TNFRSF13B: variants seen among roughly 807,000 people sequenced by gnomAD.
The protein encoded by TNFRSF13B is TNF receptor superfamily member 13B, also known as tumor necrosis factor receptor superfamily member 13B.
Under a neutral mutation model 24.0 loss-of-function variants are expected in TNFRSF13B, and 34 were observed. The ratio of observed to expected loss-of-function variants is 1.41; its 90% CI spans 1.08 to 1.88. TNFRSF13B has a LOEUF of 1.88. TNFRSF13B is among the 40% of genes most tolerant of loss of function. The pLI, the probability that TNFRSF13B is intolerant of heterozygous loss-of-function variation, is 0.00. For missense variants in TNFRSF13B, 415 were observed against 380.8 expected, an observed-to-expected ratio of 1.09 and a Z score of -0.75; for synonymous variants, 173 against 150.3, an observed-to-expected ratio of 1.15 and a Z score of -1.10.
chr17:16,951,716 C>A (rs955592706), intron 2 of TNFRSF13B, among the ~76,000 whole-genome samples: 6 of 151,970 alleles, frequency 3.9e-5, no homozygotes, highest in Non-Finnish European at 8.8e-5. Context: ...TGGAGAAACC[C>A]CATCTCTACT....
In TNFRSF13B at chr17:16,941,021, C is replaced by T. The variant is rs2087506448; in HGVS notation, c.446-510G>A. On this transcript the variant is annotated intron_variant, in intron 3 of 4. Coordinates refer to ENST00000261652, the MANE Select transcript of TNFRSF13B (RefSeq NM_012452.3). ...AAGACGGCCTGGCATTTGCATATAA[C>T]CTATGCACATCCTCCTATACAATTA... 4 of 745,554 alleles carry T rather than the reference C, an allele frequency of 5.4e-6. No homozygotes were observed. In the African/African-American group the frequency reaches 5.5e-5, roughly 10 times the overall value. The allele number at this position is 745,554 out of a possible 1,614,324, so 46.2% of individuals were successfully genotyped here.
intron 2 of TNFRSF13B, among the ~76,000 whole-genome samples, chr17:16,952,088 C>T (rs913086793): frequency 6.6e-6 from 1 of 152,096 alleles, no homozygotes; most frequent in Non-Finnish European, 1.5e-5. Flanking sequence ...TGTAACAACA[C>T]ACAGTGACAA....
In TNFRSF13B at chr17:16,972,051, G is replaced by A. The variant is rs1383649750; in HGVS notation, c.25C>T (p.Arg9Ter). The A allele has an allele frequency of 3.1e-6, 5 of 1,613,948 alleles. No homozygotes were observed. Among genetic ancestry groups the A allele is most frequent in the Middle Eastern group, 1.6e-4 (1 of 6,062 alleles). MSGLGRSR[R>*]GGRSRVDQEE... ...TGGTCCACACGGCTCCGGCCACCTCGCCTGCTCCGGCCCAGGCCACTCATT... is the reference window on the plus strand; with the variant it reads ...TGGTCCACACGGCTCCGGCCACCTCACCTGCTCCGGCCCAGGCCACTCATT... Residue 9 changes from arginine (R) to a stop codon, truncating the protein, a stop_gained, in exon 1 of 5, where the codon CGA becomes TGA. Coordinates refer to ENST00000261652, the MANE Select transcript of TNFRSF13B (RefSeq NM_012452.3). LOFTEE classifies it high-confidence loss of function.
intron 3 of TNFRSF13B, among the ~76,000 whole-genome samples, chr17:16,944,924 C>T (rs781197925): frequency 2.6e-5 from 4 of 152,154 alleles, no homozygotes; most frequent in Non-Finnish European, 5.9e-5. Context: ...GTCCTCTGCT[C>T]TCTGCCCTTG....
At chr17:16,967,973 T>TA (rs147685119) in intron 1 of TNFRSF13B, among the ~76,000 whole-genome samples, 8,887 of 145,620 alleles carry the variant, frequency 0.061, 828 homozygotes, top group African/African-American at 0.21. Context: ...GCATCTCTAC[T>TA]AAAAAAAAAT....
intron 1 of TNFRSF13B, among the ~76,000 whole-genome samples, chr17:16,955,764 G>A (rs542778824): frequency 1.4e-4 from 22 of 152,346 alleles, no homozygotes; most frequent in Admixed American, 1.0e-3. Context: ...AAATGACTAC[G>A]GAGCTGCCAG....
At position 16,939,480 on chromosome 17, in the gene TNFRSF13B, C is replaced by A; in HGVS notation, c.*67G>T. Reference sequence around the variant, plus strand: ...CTCCTCATATCTCTCTCCCCTCTCCCCACCTCTCTTTCTCTCTCCCCTCCT... The same window carrying A: ...CTCCTCATATCTCTCTCCCCTCTCCACACCTCTCTTTCTCTCTCCCCTCCT... On this transcript the variant is annotated 3_prime_UTR_variant, in exon 5 of 5. Transcript: ENST00000261652. The A allele has an allele frequency of 6.5e-7, 1 of 1,532,962 alleles. No individual in the cohort carries two copies. The highest frequency in any genetic ancestry group is 2.4e-5 in the East Asian group (1 of 41,962). The allele number at this position is 1,532,962 out of a possible 1,614,324, so 95.0% of individuals were successfully genotyped here.
intron 3 of TNFRSF13B, among the ~76,000 whole-genome samples, chr17:16,946,104 G>A (rs1053477461): frequency 2.0e-5 from 3 of 152,248 alleles, no homozygotes; most frequent in African/African-American, 7.2e-5. Context: ...CGCATTTGGG[G>A]ATGGCTTGTT....
chr17:16,941,242 A>G (rs775589337), intron 3 of TNFRSF13B: 303 of 987,876 alleles, frequency 3.1e-4, no homozygotes, highest in Non-Finnish European at 3.6e-4. Context: ...CGCACGACAC[A>G]GAGGGCCCAC....
intron 2 of TNFRSF13B, among the ~76,000 whole-genome samples, chr17:16,949,225 C>T (rs1166957347): frequency 6.6e-6 from 1 of 152,158 alleles, no homozygotes; most frequent in African/African-American, 2.4e-5. Flanking sequence ...TCAAAATGCA[C>T]TTATTTTTCA....
intron 1 of TNFRSF13B, among the ~76,000 whole-genome samples, chr17:16,963,565 T>C (rs1355786379): frequency 1.3e-5 from 2 of 149,190 alleles, no homozygotes; most frequent in Non-Finnish European, 3.0e-5. Context: ...TTTTGGTTTT[T>C]TCGAGACGGA....
chr17:16,939,644 T>C lies in TNFRSF13B; in HGVS notation c.785A>G (p.His262Arg), dbSNP rs753296393. 1 of 1,612,792 alleles carries C rather than the reference T, an allele frequency of 6.2e-7. No homozygotes were observed. The highest frequency in any genetic ancestry group is 1.1e-5 in the South Asian group (1 of 90,918). Residue 262 changes from histidine to arginine, a missense_variant, in exon 5 of 5, where the codon CAC (histidine) becomes CGC (arginine). Physicochemically the swap from His to Arg is conservative, Grantham distance 29. Transcript: ENST00000261652. ...DPTCAGRWGC[H>R]TRTTVLQPCP... ...AGGCTGCAGGACTGTGGTCCTGGTG[T>C]GGCACCCCCACCTTCCAGCACAAGT...
chr17:16,969,888 G>A (rs930999434), intron 1 of TNFRSF13B, among the ~76,000 whole-genome samples: 9 of 152,136 alleles, frequency 5.9e-5, no homozygotes, highest in Non-Finnish European at 8.8e-5. Context: ...CTTTTGGGTT[G>A]GGGAGCAAAG....
chr17:16,948,924 T>C lies in TNFRSF13B; in HGVS notation c.259A>G (p.Ile87Val). 2 of 1,614,242 alleles carry C rather than the reference T, an allele frequency of 1.2e-6. No individual in the cohort carries two copies. The highest frequency in any genetic ancestry group is 1.3e-5 in the African/African-American group (1 of 75,068). Residue 87 changes from isoleucine to valine, a missense_variant, in exon 3 of 5, where the codon ATC becomes GTC. Coordinates refer to ENST00000261652, the MANE Select transcript of TNFRSF13B (RefSeq NM_012452.3). ...TGTCCACAGATGGAGGCACAGCTGATGCAGTCCCTCAGGAGATGGTCATAG... is the reference window on the plus strand; with the variant it reads ...TGTCCACAGATGGAGGCACAGCTGACGCAGTCCCTCAGGAGATGGTCATAG... ...KFYDHLLRDC[I>V]SCASICGQHP...
intron 1 of TNFRSF13B, among the ~76,000 whole-genome samples, chr17:16,968,914 A>G (rs1013286985): frequency 2.0e-5 from 3 of 152,228 alleles, no homozygotes; most frequent in Non-Finnish European, 4.4e-5. Flanking sequence ...CCCCAAAAAA[A>G]CCATATAAAT....
intron 2 of TNFRSF13B, among the ~76,000 whole-genome samples, chr17:16,949,549 GC>G (rs2042063087): frequency 6.6e-6 from 1 of 152,112 alleles, no homozygotes; most frequent in Non-Finnish European, 1.5e-5. Context: ...AAGTATCAGT[GC>G]CAAGGCACAG....
chr17:16,967,751 C>CA (rs975103327), intron 1 of TNFRSF13B, among the ~76,000 whole-genome samples: 3,647 of 24,174 alleles, frequency 0.15, 685 homozygotes, highest in East Asian at 0.25. Context: ...GACTCCGTCT[C>CA]AAAAAAAAAA....
intron 1 of TNFRSF13B, among the ~76,000 whole-genome samples, chr17:16,968,850 T>C (rs1164751052): frequency 6.6e-6 from 1 of 152,182 alleles, no homozygotes; most frequent in Admixed American, 6.5e-5. Context: ...TATAACAGAA[T>C]AATGAAAAGG....
rs555750578 is a variant in TNFRSF13B at position 16,939,821 on chromosome 17, G to A, written c.632-24C>T. ...ATCTGCAGAGGCGAGAGTGGAGGGC[G>A]TGGGCCAGGCCTGGCCCTGCACTAG... is the stretch of plus-strand genomic sequence containing the variant. On this transcript the variant is annotated intron_variant, in intron 4 of 4. Coordinates refer to ENST00000261652, the MANE Select transcript of TNFRSF13B (RefSeq NM_012452.3). 134 of 1,606,682 alleles carry A rather than the reference G, an allele frequency of 8.3e-5. 2 individuals carry two copies. In the South Asian group the frequency reaches 1.2e-3, roughly 15 times the overall value.
Sources: allele counts gnomAD v4.1 joint callset (sites outside exome capture counted in the v4.1 genomes callset), GRCh38; gene constraint gnomAD v4.1.1; transcripts MANE v1.5; gene names NCBI Gene and HGNC (gene_info 2026-07-23, HGNC 2026-07-21).